The following HSDL1 variants were observed in gnomAD, a reference collection of about 807,000 sequenced individuals.
HSDL1 encodes the protein hydroxysteroid dehydrogenase like 1.
Under a neutral mutation model 31.5 loss-of-function variants are expected in HSDL1, and 29 were observed. That is an observed-to-expected ratio of 0.92 (90% CI 0.69 to 1.26). The LOEUF is 1.26. Ranked by LOEUF, HSDL1 falls within the 50% of genes most tolerant of loss-of-function variation. HSDL1 has a pLI of 0.00. For missense variants in HSDL1, 503 were observed against 416.6 expected (o/e 1.21, Z -1.81); for synonymous variants, 222 against 155.2 (o/e 1.43, Z -3.20).
At chr16:84,137,935 C>T (rs1312942017) in intron 1 of HSDL1, among the ~76,000 whole-genome samples, 1 of 152,234 alleles carries the variant, frequency 6.6e-6, no homozygotes, top group Non-Finnish European at 1.5e-5. Flanking sequence ...TTAGCGAAAG[C>T]TATTAACCTG....
At chr16:84,142,873 G>T (rs116313837) in intron 1 of HSDL1, among the ~76,000 whole-genome samples, 1 of 152,124 alleles carries the variant, frequency 6.6e-6, no homozygotes, top group African/African-American at 2.4e-5. Context: ...CATACTCTGC[G>T]TCAGCACTAT....
intron 5 of HSDL1, 195 bp from the exon 6 acceptor site, chr16:84,124,923 A>T: frequency 4.5e-6 from 2 of 444,066 alleles, no homozygotes; most frequent in South Asian, 5.7e-5. Context: ...ACAAATACCC[A>T]CCAATCACAA....
rs1363698182 is a variant in HSDL1 at position 84,123,244 on chromosome 16, CTTAGGTCTG to C, written c.*1377_*1385del. 6.6e-6 allele frequency: 1 copy of C among 152,164 alleles called. No homozygotes were observed. Among genetic ancestry groups the C allele is most frequent in the Non-Finnish European group, 1.5e-5 (1 of 68,030 alleles). 9.4% of individuals were successfully genotyped at this position (152,164 alleles called of 1,614,324 possible). A position where few individuals can be genotyped will look rare whatever the true frequency, so the allele number is the denominator to read the frequency against. Reference sequence around the variant, plus strand: ...GCAAAATTGTGTTCATAAAACTGTGCTTAGGTCTGCTTATGATAGATTATCACGTCACGA... The same window carrying C: ...GCAAAATTGTGTTCATAAAACTGTGCCTTATGATAGATTATCACGTCACGA... On this transcript the variant is annotated 3_prime_UTR_variant, in exon 6 of 6. Transcript: ENST00000219439.
chr16:84,123,038 T>G lies in HSDL1; in HGVS notation c.*1592A>C, dbSNP rs1597369054. ...CATCAAAGTTCACGTCAATGTGGCA[T>G]GAAGTCAAGAGGATTCCAAGCAAAC... On this transcript the variant is annotated 3_prime_UTR_variant, in exon 6 of 6. Coordinates refer to ENST00000219439, the MANE Select transcript of HSDL1 (RefSeq NM_031463.5). 1 of 152,212 alleles carries G rather than the reference T, an allele frequency of 6.6e-6. No individual in the cohort carries two copies. Among genetic ancestry groups the G allele is most frequent in the Admixed American group, 6.5e-5 (1 of 15,272 alleles). The allele number at this position is 152,212 out of a possible 1,614,324, so 9.4% of individuals were successfully genotyped here.
At chr16:84,139,538 C>T (rs1159855801) in intron 1 of HSDL1, among the ~76,000 whole-genome samples, 2 of 152,170 alleles carry the variant, frequency 1.3e-5, no homozygotes, top group Non-Finnish European at 2.9e-5. Flanking sequence ...TTGACTTTAG[C>T]GCAGTCACAA....
intron 5 of HSDL1, among the ~76,000 whole-genome samples, chr16:84,126,707 G>T (rs773068696): frequency 1.7e-4 from 26 of 151,320 alleles, no homozygotes; most frequent in South Asian, 4.2e-4. Flanking sequence ...ATGGACACAG[G>T]TTACTCTCCA....
At chr16:84,138,023 G>A (rs955623777) in intron 1 of HSDL1, among the ~76,000 whole-genome samples, 3 of 152,232 alleles carry the variant, frequency 2.0e-5, no homozygotes, top group African/African-American at 7.2e-5. Flanking sequence ...GTTTAGAAGG[G>A]AGGGCCTTTG....
chr16:84,130,079 T>G lies in HSDL1; in HGVS notation c.573A>C (p.Gly191=). Residue 191 remains glycine (G), a synonymous_variant, in exon 4 of 6, where the codon GGA becomes GGC. Transcript: ENST00000219439. ...TGGCACCTTTCTTTCTCTCCACCAT[T>G]CCCGGTAACACAACATGGACCATCA... The part of the protein sequence containing the change: ...ASLMVHVVLP[G]MVERKKGAIV... The G allele has an allele frequency of 6.2e-7, 1 of 1,614,100 alleles. No individual in the cohort carries two copies.
chr16:84,135,746 C>A (rs1400385350), intron 1 of HSDL1, 141 bp from the exon 2 acceptor site: 1 of 152,276 alleles, frequency 6.6e-6, no homozygotes, highest in Non-Finnish European at 1.5e-5. Context: ...TCTGTAGAGG[C>A]AGCAAACCAT....
intron 1 of HSDL1, among the ~76,000 whole-genome samples, chr16:84,143,168 C>G (rs578114902): frequency 6.6e-6 from 1 of 152,314 alleles, no homozygotes; most frequent in Non-Finnish European, 1.5e-5. Flanking sequence ...CAGTGGCCTA[C>G]TCACAACTGC....
At chr16:84,126,802 T>C (rs1597371630) in intron 5 of HSDL1, among the ~76,000 whole-genome samples, 1 of 152,254 alleles carries the variant, frequency 6.6e-6, no homozygotes, top group Admixed American at 6.5e-5. Context: ...CAGAGAAATA[T>C]GCCATGGACA....
At position 84,124,519 on chromosome 16, in the gene HSDL1, T is replaced by A. The variant is rs1269777133; in HGVS notation, c.*111A>T. 1.4e-6 allele frequency: 1 copy of A among 723,030 alleles called. No homozygotes were observed. Among genetic ancestry groups the A allele is most frequent in the East Asian group, 2.6e-5 (1 of 38,052 alleles). 44.8% of individuals were successfully genotyped at this position (723,030 alleles called of 1,614,324 possible). A position where few individuals can be genotyped will look rare whatever the true frequency, so the allele number is the denominator to read the frequency against. The stretch of plus-strand genomic sequence containing the variant: ...TTTTGCAAATGACGAATCAACAGTA[T>A]GCTGAATAATCAGCAATGAAACACA... On this transcript the variant is annotated 3_prime_UTR_variant, in exon 6 of 6. Coordinates refer to ENST00000219439, the MANE Select transcript of HSDL1 (RefSeq NM_031463.5).
At chr16:84,141,972 G>A (rs1190196288) in intron 1 of HSDL1, among the ~76,000 whole-genome samples, 2 of 152,158 alleles carry the variant, frequency 1.3e-5, no homozygotes, top group Non-Finnish European at 2.9e-5. Flanking sequence ...CTATTGCCCA[G>A]CCTGATGTGC....
intron 5 of HSDL1, among the ~76,000 whole-genome samples, chr16:84,126,005 AG>A (rs1225334486): frequency 1.3e-5 from 2 of 151,366 alleles, no homozygotes; most frequent in South Asian, 2.1e-4. Flanking sequence ...CAGGAGGCAG[AG>A]GCAGGAAAAT....
intron 5 of HSDL1, among the ~76,000 whole-genome samples, chr16:84,126,057 C>T (rs1460331826): frequency 1.3e-5 from 2 of 149,096 alleles, no homozygotes; most frequent in Non-Finnish European, 3.0e-5. Context: ...GAGCCGAGAT[C>T]GCGGCACTGC....
At chr16:84,140,517 G>C (rs1228979138) in intron 1 of HSDL1, among the ~76,000 whole-genome samples, 2 of 151,972 alleles carry the variant, frequency 1.3e-5, no homozygotes, top group Admixed American at 6.6e-5. Flanking sequence ...CACCCACCTC[G>C]GCCTCCCAAA....
rs1233884263 is a variant in HSDL1, at chr16:84,122,926, TATCA to T, written c.*1700_*1703del. On this transcript the variant is annotated 3_prime_UTR_variant, in exon 6 of 6. Coordinates refer to ENST00000219439, the MANE Select transcript of HSDL1 (RefSeq NM_031463.5). ...ACACTGATGGATTCCATACCTAATT[TATCA>T]ATCTAAGACATTACTGGACCACGTA... The T allele has an allele frequency of 1.1e-4, 17 of 152,326 alleles. No individual in the cohort carries two copies. Among genetic ancestry groups the T allele is most frequent in the African/African-American group, 3.6e-4 (15 of 41,574 alleles). 9.4% of individuals were successfully genotyped at this position (152,326 alleles called of 1,614,324 possible).
At chr16:84,137,394 G>C (rs2086722713) in intron 1 of HSDL1, among the ~76,000 whole-genome samples, 1 of 152,244 alleles carries the variant, frequency 6.6e-6, no homozygotes, top group Non-Finnish European at 1.5e-5. Flanking sequence ...CAGGCGTGAA[G>C]GAGACTGGGA....
chr16:84,134,494 CT>C (rs1446529789), intron 2 of HSDL1, among the ~76,000 whole-genome samples: 1 of 151,978 alleles, frequency 6.6e-6, no homozygotes, highest in Admixed American at 6.6e-5. Context: ...ATGGTGGTGA[CT>C]GCCCAGCTTG....
Sources: gnomAD v4.1 joint callset for allele counts (sites outside exome capture counted in the v4.1 genomes callset) on GRCh38, gnomAD v4.1.1 for gene constraint, MANE v1.5 for transcripts, NCBI Gene and HGNC (gene_info 2026-07-23, HGNC 2026-07-21) for gene names.